Variants in SYNPO observed in about 807,000 individuals in gnomAD.
SYNPO encodes the protein synaptopodin.
Under a neutral mutation model 49.5 loss-of-function variants are expected in SYNPO, and 19 were observed. The observed-to-expected ratio is 0.38, with a 90% CI of 0.27 to 0.56. The LOEUF (loss-of-function observed/expected upper bound fraction) is 0.56. Among genes scored for constraint, SYNPO ranks in the 20% least tolerant of loss-of-function variants. The pLI is 0.68. For missense variants in SYNPO, 1,131 were observed against 1,248.3 expected (o/e 0.91, Z 1.42); for synonymous variants, 536 against 548.0 (o/e 0.98, Z 0.31).
At chr5:150,631,590 C>G (rs1316909005) in intron 2 of SYNPO, among the ~76,000 whole-genome samples, 1 of 152,152 alleles carries the variant, frequency 6.6e-6, no homozygotes, top group Non-Finnish European at 1.5e-5. Context: ...GGCCTGGAGC[C>G]TGCGAAGGGG....
chr5:150,629,721 C>T (rs1757476984), intron 2 of SYNPO, among the ~76,000 whole-genome samples: 2 of 152,176 alleles, frequency 1.3e-5, no homozygotes, highest in Non-Finnish European at 2.9e-5. Context: ...TGATTGTTTA[C>T]TGTTATTTAC....
chr5:150,640,964 G>T lies in SYNPO; in HGVS notation c.-333+110G>T, dbSNP rs750594540. The T allele has an allele frequency of 1.8e-4, 104 of 579,910 alleles. 2 individuals carry two copies. The Middle Eastern group carries it at 0.011, about 63-fold the overall frequency. 35.9% of individuals were successfully genotyped at this position (579,910 alleles called of 1,614,324 possible). ...CTGTCCTCTGGGCATCAAGGGAGAG[G>T]TATGTGGTGATTTCTGCCAGCCTGT... On this transcript the variant is annotated intron_variant, in intron 1 of 2. Transcript: ENST00000307662.
At chr5:150,634,106 G>A (rs1300403632) in intron 2 of SYNPO, among the ~76,000 whole-genome samples, 2 of 152,098 alleles carry the variant, frequency 1.3e-5, no homozygotes, top group Non-Finnish European at 2.9e-5. Context: ...ATAAGATCAT[G>A]GACTCTAAAG....
intron 2 of SYNPO, among the ~76,000 whole-genome samples, chr5:150,619,135 C>T (rs79819720): frequency 1.3e-5 from 2 of 152,148 alleles, no homozygotes; most frequent in Non-Finnish European, 2.9e-5. Flanking sequence ...GGGGCAGAAC[C>T]CTCTCATTAA....
intron 2 of SYNPO, among the ~76,000 whole-genome samples, chr5:150,627,969 C>T (rs1757412205): frequency 6.7e-6 from 1 of 149,694 alleles, no homozygotes; most frequent in Non-Finnish European, 1.5e-5. Flanking sequence ...GCGGCTGGGC[C>T]TGCCTGCAAA....
chr5:150,643,565 C>T (rs528425925), intron 1 of SYNPO, among the ~76,000 whole-genome samples: 4 of 152,224 alleles, frequency 2.6e-5, no homozygotes, highest in Non-Finnish European at 4.4e-5. Flanking sequence ...GATGGAATGT[C>T]GCTCTGTTGC....
chr5:150,640,693 G>A lies in SYNPO; in HGVS notation c.-494G>A. The A allele has an allele frequency of 1.0e-6, 1 of 985,618 alleles. No homozygotes were observed. Among genetic ancestry groups the A allele is most frequent in the Non-Finnish European group, 1.2e-6 (1 of 829,936 alleles). 61.1% of individuals were successfully genotyped at this position (985,618 alleles called of 1,614,324 possible). A position where few individuals can be genotyped will look rare whatever the true frequency, so the allele number is the denominator to read the frequency against. ...GCTGGGCTGAGTCATCTGTGGAGGA[G>A]AAAAGTCACATCCAGCTCCTTCATG... On this transcript the variant is annotated 5_prime_UTR_variant, in exon 1 of 3. Transcript: ENST00000307662.
the SYNPO span, among the ~76,000 whole-genome samples, chr5:150,586,569 G>A: frequency 7.2e-6 from 1 of 139,746 alleles, no homozygotes; most frequent in Admixed American, 6.8e-5. Context: ...CGGGTGGATG[G>A]AAGGATGGAT....
chr5:150,634,395 G>A (rs1757640218), intron 2 of SYNPO, among the ~76,000 whole-genome samples: 1 of 152,220 alleles, frequency 6.6e-6, no homozygotes, highest in Non-Finnish European at 1.5e-5. Flanking sequence ...TTGCCTCCAA[G>A]TGCCCTAGAG....
In SYNPO at chr5:150,649,059, AGAC is replaced by A. The variant is rs763769974; in HGVS notation, c.788_790del (p.Arg263del). ...GATGGAGAGGAGCCCCATGCTAGAG[AGAC>A]GACATTTTGGGGAGAAGGCCCCGGC... On this transcript the variant is annotated inframe_deletion, in exon 2 of 3. Coordinates refer to ENST00000307662, the MANE Select transcript of SYNPO (RefSeq NM_007286.6). 6.2e-7 allele frequency: 1 copy of A among 1,613,942 alleles called. No individual in the cohort carries two copies. The highest frequency in any genetic ancestry group is 8.5e-7 in the Non-Finnish European group (1 of 1,179,876).
chr5:150,650,212 C>T lies in SYNPO; in HGVS notation c.1937C>T (p.Ser646Phe). 6.2e-7 allele frequency: 1 copy of T among 1,613,952 alleles called. No homozygotes were observed. Among genetic ancestry groups the T allele is most frequent in the Non-Finnish European group, 8.5e-7 (1 of 1,180,040 alleles). Residue 646 changes from serine (S) to phenylalanine (F), a missense_variant, in exon 2 of 3, where the codon TCC becomes TTC. Transcript: ENST00000307662. ...AVSPPYGGDI[S>F]PVSPSRAWSP... Reference sequence around the variant, plus strand: ...AGCCCTCCTTACGGCGGTGACATCTCCCCCGTGTCTCCCTCCAGGGCGTGG... The same window carrying T: ...AGCCCTCCTTACGGCGGTGACATCTTCCCCGTGTCTCCCTCCAGGGCGTGG...
At chr5:150,615,897 A>T (rs561412354) in intron 1 of SYNPO, among the ~76,000 whole-genome samples, 1 of 152,350 alleles carries the variant, frequency 6.6e-6, no homozygotes, top group East Asian at 1.9e-4. Flanking sequence ...CACCTCTGAA[A>T]TGGGATAATA....
intron 1 of SYNPO, among the ~76,000 whole-genome samples, chr5:150,641,635 G>A (rs1030079093): frequency 6.6e-6 from 1 of 152,204 alleles, no homozygotes; most frequent in Non-Finnish European, 1.5e-5. Context: ...AGGGGTGGGG[G>A]AAAGGGTTTG....
At chr5:150,600,702 G>A (rs2151330441), upstream of SYNPO, among the ~76,000 whole-genome samples, 1 of 152,254 alleles carries the variant, frequency 6.6e-6, no homozygotes. Context: ...GGGAAGTGCT[G>A]TGGGATAAAG....
rs367768458 is a variant in SYNPO, at chr5:150,648,469, C to T, written c.194C>T (p.Pro65Leu). The T allele has an allele frequency of 2.5e-6, 4 of 1,614,214 alleles. No homozygotes were observed. The highest frequency in any genetic ancestry group is 1.1e-5 in the South Asian group (1 of 91,088). ...PAPPPAEVHS[P>L]AADVNQNLAS... ...CCACCTCCAGCTGAGGTCCACAGCC[C>T]AGCTGCAGATGTCAACCAAAACCTT... Residue 65 changes from proline to leucine, a missense_variant, in exon 2 of 3, where the codon CCA becomes CTA. Pro to Leu is a moderately conservative substitution (Grantham distance 98). Transcript: ENST00000307662. The surrounding 1 kb of genome is among the most constrained non-coding windows in gnomAD (Gnocchi z 5.0).
At chr5:150,638,923 T>C (rs1472144962), upstream of SYNPO, among the ~76,000 whole-genome samples, 1 of 152,220 alleles carries the variant, frequency 6.6e-6, no homozygotes. Context: ...GAGCACAGGC[T>C]TAGCTCACCA....
upstream of SYNPO, among the ~76,000 whole-genome samples, chr5:150,637,811 C>T (rs537442405): frequency 3.9e-5 from 6 of 152,330 alleles, no homozygotes; most frequent in East Asian, 9.6e-4. Flanking sequence ...GGCTGCACGG[C>T]GTCCTTTCCT....
chr5:150,647,853 C>T (rs1312340968), intron 1 of SYNPO, 91 bp from the exon 2 acceptor site: 7 of 1,190,806 alleles, frequency 5.9e-6, no homozygotes, highest in East Asian at 2.6e-5. Context: ...TAGGAAGGGC[C>T]GAGGCGACCA....
At chr5:150,650,528 C>T (rs1056144253) in intron 2 of SYNPO, 2 of 1,473,458 alleles carry the variant, frequency 1.4e-6, no homozygotes, top group Non-Finnish European at 1.8e-6. Flanking sequence ...GCCGCCCCTC[C>T]CCTACTACAA....
Sources: gnomAD v4.1 joint callset for allele counts (sites outside exome capture counted in the v4.1 genomes callset) on GRCh38, gnomAD v4.1.1 for gene constraint, Gnocchi (gnomAD v3.1) non-coding constraint, MANE v1.5 for transcripts, NCBI Gene and HGNC (gene_info 2026-07-23, HGNC 2026-07-21) for gene names.